GALNTL6: variants seen among roughly 807,000 people sequenced by gnomAD.
GALNTL6 encodes polypeptide N-acetylgalactosaminyltransferase-like 6.
GALNTL6 carries 46 observed loss-of-function variants against 73.7 expected under a neutral mutation model. The observed-to-expected ratio is 0.62, with a 90% CI of 0.49 to 0.80. The LOEUF (loss-of-function observed/expected upper bound fraction) is 0.80, where lower values mean the gene tolerates loss of function less well. GALNTL6 is among the 30% of genes least tolerant of loss of function. GALNTL6 has a pLI of 0.00. For synonymous variants in GALNTL6, 259 were observed against 263.7 expected, an observed-to-expected ratio of 0.98 and a Z score of 0.17; for missense variants, 604 against 755.0, an observed-to-expected ratio of 0.80 and a Z score of 2.34.
intron 2 of GALNTL6, among the ~76,000 whole-genome samples, chr4:172,144,050 T>A (rs967052363): frequency 2.0e-5 from 3 of 152,202 alleles, no homozygotes; most frequent in Non-Finnish European, 4.4e-5. Context: ...TATCTCTCTA[T>A]ACACATTGTT....
intron 5 of GALNTL6, among the ~76,000 whole-genome samples, chr4:172,571,918 A>C (rs1378915409): frequency 6.6e-6 from 1 of 152,164 alleles, no homozygotes; most frequent in Non-Finnish European, 1.5e-5. Flanking sequence ...TCTCTGCCTG[A>C]CATAAGTTGC....
chr4:171,917,819 G>T (rs1387322493), intron 2 of GALNTL6, among the ~76,000 whole-genome samples: 3 of 151,990 alleles, frequency 2.0e-5, no homozygotes, highest in Admixed American at 2.0e-4. Flanking sequence ...TTACTGGCAT[G>T]GTTTTAATAT....
At chr4:172,289,579 A>G (rs1739389063) in intron 3 of GALNTL6, among the ~76,000 whole-genome samples, 4 of 152,110 alleles carry the variant, frequency 2.6e-5, no homozygotes, top group Admixed American at 2.0e-4. Flanking sequence ...TTCAAAACCT[A>G]CTCTTTTGAC....
intron 5 of GALNTL6, among the ~76,000 whole-genome samples, chr4:172,453,774 A>G (rs925135078): frequency 6.6e-6 from 1 of 152,156 alleles, no homozygotes; most frequent in Non-Finnish European, 1.5e-5. Context: ...AAAGATGCTG[A>G]ATGCATTTAT....
chr4:172,605,435 G>A (rs1042907819), intron 5 of GALNTL6, among the ~76,000 whole-genome samples: 3 of 152,144 alleles, frequency 2.0e-5, no homozygotes, highest in Admixed American at 1.3e-4. Flanking sequence ...AGATAGACAT[G>A]GGGAGATAAG....
chr4:172,514,268 A>C (rs1734526131), intron 5 of GALNTL6, among the ~76,000 whole-genome samples: 1 of 152,130 alleles, frequency 6.6e-6, no homozygotes, highest in Non-Finnish European at 1.5e-5. Context: ...CTCCTTGGGC[A>C]GGGCTTTTGG....
chr4:171,932,852 G>A (rs928826312), intron 2 of GALNTL6, among the ~76,000 whole-genome samples: 5 of 152,096 alleles, frequency 3.3e-5, no homozygotes, highest in Non-Finnish European at 5.9e-5. Context: ...TAATACAATT[G>A]GATCACCAGG....
At chr4:171,929,893 A>G (rs6824324) in intron 2 of GALNTL6, among the ~76,000 whole-genome samples, 6,466 of 152,266 alleles carry the variant, frequency 0.042, 397 homozygotes, top group African/African-American at 0.14. Flanking sequence ...GTCCCCCTGC[A>G]CTTGCACTCA....
intron 9 of GALNTL6, among the ~76,000 whole-genome samples, chr4:172,946,573 G>T (rs1370080370): frequency 1.3e-5 from 2 of 152,130 alleles, no homozygotes; most frequent in Non-Finnish European, 2.9e-5. Context: ...TCAATTCAAA[G>T]ACCTGACGTG....
chr4:171,817,600 A>C (rs1177248057), intron 2 of GALNTL6, among the ~76,000 whole-genome samples: 1 of 151,824 alleles, frequency 6.6e-6, no homozygotes, highest in Admixed American at 6.6e-5. Flanking sequence ...GTCTGATTAC[A>C]CATTAATTGT....
chr4:172,872,362 C>G (rs1178880073), intron 7 of GALNTL6, among the ~76,000 whole-genome samples: 2 of 152,118 alleles, frequency 1.3e-5, no homozygotes, highest in African/African-American at 4.8e-5. Context: ...TTTGACTGCC[C>G]TTCCCCTCAA....
At chr4:172,084,793 T>C (rs959732366) in intron 2 of GALNTL6, among the ~76,000 whole-genome samples, 1 of 152,148 alleles carries the variant, frequency 6.6e-6, no homozygotes, top group Non-Finnish European at 1.5e-5. Flanking sequence ...ATACAGGTGA[T>C]GATTATCACA....
chr4:172,717,861 G>A (rs575829789), intron 5 of GALNTL6, among the ~76,000 whole-genome samples: 7 of 152,276 alleles, frequency 4.6e-5, no homozygotes, highest in African/African-American at 1.7e-4. Flanking sequence ...AGAAATCACA[G>A]CAAAGTCTCC....
intron 2 of GALNTL6, among the ~76,000 whole-genome samples, chr4:172,187,234 A>G (rs1398345458): frequency 1.3e-5 from 2 of 152,094 alleles, no homozygotes; most frequent in African/African-American, 4.8e-5. Context: ...AAAAAAATCC[A>G]GTGTGGAACA....
intron 5 of GALNTL6, among the ~76,000 whole-genome samples, chr4:172,768,669 A>C (rs2083133): frequency 0.48 from 72,462 of 151,486 alleles, 18,103 homozygotes; most frequent in African/African-American, 0.63. Context: ...ACCAAATATG[A>C]ATGTGCCTGG....
At chr4:172,551,813 T>A (rs1735964259) in intron 5 of GALNTL6, among the ~76,000 whole-genome samples, 1 of 152,134 alleles carries the variant, frequency 6.6e-6, no homozygotes, top group African/African-American at 2.4e-5. Flanking sequence ...AATACCTGTA[T>A]GAGGATGTTG....
chr4:172,872,591 C>T (rs1745001928), intron 7 of GALNTL6, among the ~76,000 whole-genome samples: 2 of 152,076 alleles, frequency 1.3e-5, no homozygotes, highest in African/African-American at 4.8e-5. Context: ...AAAAGAATAG[C>T]ACATTGTTTA....
intron 7 of GALNTL6, among the ~76,000 whole-genome samples, chr4:172,821,777 A>C (rs1459168582): frequency 6.6e-6 from 1 of 152,254 alleles, no homozygotes; most frequent in Non-Finnish European, 1.5e-5. Flanking sequence ...CAAAATATTG[A>C]ATAAGATCAA....
intron 2 of GALNTL6, among the ~76,000 whole-genome samples, chr4:171,915,621 T>C (rs965600637): frequency 1.3e-5 from 2 of 152,240 alleles, no homozygotes; most frequent in Admixed American, 6.5e-5. Flanking sequence ...ATTTTAGTAT[T>C]TCTGCATGTG....
Sources: gnomAD v4.1 joint callset for allele counts (sites outside exome capture counted in the v4.1 genomes callset) on GRCh38, gnomAD v4.1.1 for gene constraint, MANE v1.5 for transcripts, NCBI Gene and HGNC (gene_info 2026-07-23, HGNC 2026-07-21) for gene names.